Variants in NEIL3 observed in about 807,000 individuals in gnomAD.
NEIL3 encodes nei like DNA glycosylase 3.
A neutral mutation model predicts 57.5 loss-of-function variants in NEIL3; 48 were observed. That is an observed-to-expected ratio of 0.83 (90% CI 0.66 to 1.06). The LOEUF (loss-of-function observed/expected upper bound fraction) is 1.06. NEIL3 is among the 50% of genes least tolerant of loss of function. The pLI is 0.00. For synonymous variants in NEIL3, 261 were observed against 253.2 expected, an observed-to-expected ratio of 1.03 and a Z score of -0.29; for missense variants, 717 against 739.1, an observed-to-expected ratio of 0.97 and a Z score of 0.35.
chr4:177,315,415 G>C (rs944630515), intron 1 of NEIL3, among the ~76,000 whole-genome samples: 1 of 152,106 alleles, frequency 6.6e-6, no homozygotes, highest in African/African-American at 2.4e-5. Flanking sequence ...GGAGATTTTC[G>C]TCTTTATTTC....
chr4:177,339,804 CA>C lies in NEIL3; in HGVS notation c.650del (p.Gln217ArgfsTer6). ...AVKVCQLTDE[Q>X]IHHLMKMIRD... ...CAAGGTTTGTCAATTAACAGATGAACAGATCCATCACCTCATGAAAATGATA... is the reference window on the plus strand; with the variant it reads ...CAAGGTTTGTCAATTAACAGATGAACGATCCATCACCTCATGAAAATGATA... On this transcript the variant is annotated frameshift_variant, in exon 5 of 10. Coordinates refer to ENST00000264596, the MANE Select transcript of NEIL3 (RefSeq NM_018248.3). LOFTEE classifies it high-confidence loss of function. The C allele has an allele frequency of 6.2e-7, 1 of 1,613,524 alleles. No individual in the cohort carries two copies. The highest frequency in any genetic ancestry group is 8.5e-7 in the Non-Finnish European group (1 of 1,179,502).
In NEIL3 at chr4:177,362,385, G is replaced by A. The variant is rs868615358; in HGVS notation, c.1732G>A (p.Val578Met). 4 of 1,612,998 alleles carry A rather than the reference G, an allele frequency of 2.5e-6. No homozygotes were observed. The highest frequency in any genetic ancestry group is 2.7e-5 in the African/African-American group (2 of 74,790). ...ACCTAACAATGGAAAGAATTTTTTT[G>A]TGTGTCCTCTTGGGAAGGAAAAACA... ...IGPNNGKNFF[V>M]CPLGKEKQCN... The change falls in exon 10 of 10, where the codon GTG becomes ATG. Residue 578 changes from valine to methionine, a missense_variant. Coordinates refer to ENST00000264596, the MANE Select transcript of NEIL3 (RefSeq NM_018248.3).
chr4:177,327,627 T>C (rs1160947060), intron 2 of NEIL3, among the ~76,000 whole-genome samples: 2 of 152,310 alleles, frequency 1.3e-5, no homozygotes, highest in Admixed American at 6.5e-5. Flanking sequence ...TTTCTTGTTT[T>C]ATTGCACTGG....
At chr4:177,353,929 C>G in intron 8 of NEIL3, 1 of 533,702 alleles carries the variant, frequency 1.9e-6, no homozygotes, top group Non-Finnish European at 3.3e-6. Context: ...TCAGGCCCGA[C>G]TAATTTTTGT....
intron 1 of NEIL3, among the ~76,000 whole-genome samples, chr4:177,318,408 G>A (rs1333284132): frequency 3.3e-5 from 5 of 152,100 alleles, no homozygotes; most frequent in African/African-American, 4.8e-5. Flanking sequence ...TAAGTATTTT[G>A]GTTTGCCAGT....
At chr4:177,342,729 A>G (rs958346110) in intron 6 of NEIL3, among the ~76,000 whole-genome samples, 7 of 152,256 alleles carry the variant, frequency 4.6e-5, no homozygotes, top group African/African-American at 7.2e-5. Context: ...TAAAGCAAAC[A>G]GTATTTAATT....
intron 4 of NEIL3, among the ~76,000 whole-genome samples, chr4:177,337,556 G>A (rs1240325498): frequency 6.6e-6 from 1 of 152,110 alleles, no homozygotes; most frequent in Non-Finnish European, 1.5e-5. Flanking sequence ...AAATCACTTA[G>A]ACCTCTACGA....
chr4:177,369,256 G>T, the NEIL3 span, among the ~76,000 whole-genome samples: 1 of 152,120 alleles, frequency 6.6e-6, no homozygotes, highest in Admixed American at 6.6e-5. Flanking sequence ...CCTTGATGAG[G>T]ATTTGCATAC....
intron 2 of NEIL3, among the ~76,000 whole-genome samples, chr4:177,325,110 C>T (rs1274711011): frequency 6.6e-6 from 1 of 152,112 alleles, no homozygotes; most frequent in Non-Finnish European, 1.5e-5. Context: ...GAGGCTTTGC[C>T]ATTTTAGAAA....
At chr4:177,342,581 G>T (rs2110914434) in intron 6 of NEIL3, among the ~76,000 whole-genome samples, 1 of 151,864 alleles carries the variant, frequency 6.6e-6, no homozygotes, top group Non-Finnish European at 1.5e-5. Flanking sequence ...AGGAAGGTTG[G>T]GAAGATCTCA....
chr4:177,332,387 C>T (rs1023410717), intron 2 of NEIL3, among the ~76,000 whole-genome samples: 11 of 152,114 alleles, frequency 7.2e-5, no homozygotes, highest in South Asian at 2.1e-4. Flanking sequence ...GAAGGGTTTC[C>T]GCTGCTGTCC....
chr4:177,335,920 T>G, intron 3 of NEIL3, 98 bp downstream of exon 3: 1 of 1,223,362 alleles, frequency 8.2e-7, no homozygotes, highest in Non-Finnish European at 1.1e-6. Flanking sequence ...ATAAAGAGTT[T>G]GTAATTGATG....
intron 1 of NEIL3, among the ~76,000 whole-genome samples, chr4:177,320,466 CTTTTTTTT>C (rs34353849): frequency 7.7e-5 from 6 of 77,420 alleles, no homozygotes; most frequent in South Asian, 5.7e-4. Flanking sequence ...TGACTGCTGT[CTTTTTTTT>C]TTTTTTTTTT....
At chr4:177,341,952 A>C (rs1735103373) in intron 6 of NEIL3, among the ~76,000 whole-genome samples, 1 of 152,154 alleles carries the variant, frequency 6.6e-6, no homozygotes, top group South Asian at 2.1e-4. Context: ...AAATGCAACT[A>C]CCTTCAAAAG....
In NEIL3 at chr4:177,360,507, C is replaced by T; in HGVS notation, c.1465C>T (p.Leu489Phe). 1 of 1,613,198 alleles carries T rather than the reference C, an allele frequency of 6.2e-7. No homozygotes were observed. The highest frequency in any genetic ancestry group is 1.1e-5 in the South Asian group (1 of 90,942). The change falls in exon 9 of 10, where the codon CTT becomes TTT. Residue 489 changes from leucine to phenylalanine, a missense_variant. Coordinates refer to ENST00000264596, the MANE Select transcript of NEIL3 (RefSeq NM_018248.3). ...SCNPGYSNSE[L>F]QINMTDGPRT... The stretch of plus-strand genomic sequence containing the variant: ...TTTTGTAACCTGTCATTACAGTGAA[C>T]TTCAAATTAATATGACAGATGGCCC...
intron 7 of NEIL3, 103 bp from the exon 8 acceptor site, chr4:177,353,205 T>C (rs1046179904): frequency 2.2e-5 from 21 of 965,802 alleles, no homozygotes; most frequent in Non-Finnish European, 3.1e-5. Context: ...TAGTTCACTG[T>C]AATAAAGTGA....
intron 2 of NEIL3, 124 bp from the exon 3 acceptor site, chr4:177,335,564 T>TAA: frequency 1.3e-6 from 1 of 744,962 alleles, no homozygotes. Flanking sequence ...TTCTGCCCTT[T>TAA]AAAAGTGTCT....
chr4:177,357,882 G>A (rs943744657), intron 8 of NEIL3, among the ~76,000 whole-genome samples: 2 of 152,108 alleles, frequency 1.3e-5, no homozygotes, highest in Admixed American at 1.3e-4. Flanking sequence ...TCAAAATCAT[G>A]GTCATGATCA....
intron 1 of NEIL3, among the ~76,000 whole-genome samples, chr4:177,317,442 C>G (rs1354074056): frequency 1.3e-5 from 2 of 152,066 alleles, no homozygotes; most frequent in Non-Finnish European, 2.9e-5. Flanking sequence ...TTTTTGACTC[C>G]TTTTCCTTTC....
Sources: gnomAD v4.1 joint callset for allele counts (sites outside exome capture counted in the v4.1 genomes callset) on GRCh38, gnomAD v4.1.1 for gene constraint, MANE v1.5 for transcripts, NCBI Gene and HGNC (gene_info 2026-07-23, HGNC 2026-07-21) for gene names.